Variants in CDH2 observed in about 807,000 individuals in gnomAD.
The protein encoded by CDH2 is cadherin 2, also known as cadherin-2.
In CDH2, 17 loss-of-function variants were observed where a neutral mutation model predicts 92.0. The ratio of observed to expected loss-of-function variants is 0.18; its 90% CI spans 0.13 to 0.28. CDH2 has a LOEUF of 0.28. Among genes scored for constraint, CDH2 ranks in the 10% least tolerant of loss-of-function variants. The probability of loss-of-function intolerance (pLI) is 1.00; values close to 1 mark genes in which losing one functional copy is unlikely to be tolerated. For synonymous variants in CDH2, 419 were observed against 415.9 expected (o/e 1.01, Z -0.09); for missense variants, 862 against 1,133.1 (o/e 0.76, Z 3.44).
chr18:28,118,100 C>T (rs1052121863), intron 2 of CDH2, among the ~76,000 whole-genome samples: 2 of 141,506 alleles, frequency 1.4e-5, no homozygotes, highest in Non-Finnish European at 3.2e-5. Flanking sequence ...CTGCTGAGTT[C>T]TGTTTTTTTT....
chr18:28,081,408 A>C (rs1261212145), intron 2 of CDH2, among the ~76,000 whole-genome samples: 1 of 152,202 alleles, frequency 6.6e-6, no homozygotes, highest in Non-Finnish European at 1.5e-5. Flanking sequence ...ATTTTTAAAA[A>C]AACAGACTGA....
intron 14 of CDH2, among the ~76,000 whole-genome samples, chr18:27,966,885 A>G (rs894273318): frequency 6.6e-6 from 1 of 152,228 alleles, no homozygotes; most frequent in Non-Finnish European, 1.5e-5. Flanking sequence ...CCACTAAAAA[A>G]AAAGTGTTGA....
At chr18:27,991,830 G>C (rs1349272171) in intron 9 of CDH2, among the ~76,000 whole-genome samples, 1 of 152,150 alleles carries the variant, frequency 6.6e-6, no homozygotes, top group African/African-American at 2.4e-5. Flanking sequence ...TTCTATGTAA[G>C]GTCAATATTT....
intron 6 of CDH2, among the ~76,000 whole-genome samples, chr18:28,005,465 C>T (rs984574420): frequency 2.0e-5 from 3 of 152,150 alleles, no homozygotes; most frequent in Non-Finnish European, 2.9e-5. Context: ...TAAATTGCTG[C>T]TACGTCTCAT....
At chr18:27,984,486 CA>C (rs2012160574) in intron 13 of CDH2, among the ~76,000 whole-genome samples, 1 of 152,198 alleles carries the variant, frequency 6.6e-6, no homozygotes, top group Non-Finnish European at 1.5e-5. Flanking sequence ...TTTCTATTAT[CA>C]AATGTCCTGT....
intron 2 of CDH2, among the ~76,000 whole-genome samples, chr18:28,053,985 G>C (rs2014243874): frequency 6.6e-6 from 1 of 152,140 alleles, no homozygotes; most frequent in Non-Finnish European, 1.5e-5. Flanking sequence ...TCCAGGGTTA[G>C]TTTGTGCCAT....
chr18:28,084,232 G>C (rs544586915), intron 2 of CDH2, among the ~76,000 whole-genome samples: 1 of 152,236 alleles, frequency 6.6e-6, no homozygotes, highest in Admixed American at 6.5e-5. Context: ...GAACTCGCAA[G>C]CAATACTGAG....
chr18:28,000,263 A>T (rs1168217906), intron 7 of CDH2, among the ~76,000 whole-genome samples: 1 of 152,024 alleles, frequency 6.6e-6, no homozygotes, highest in African/African-American at 2.4e-5. Context: ...CCACCATGCC[A>T]GCTAATTTTT....
In CDH2 at chr18:27,952,065, C is replaced by CAAAGTTA; in HGVS notation, c.*81_*87dup. 1 of 1,212,780 alleles carries CAAAGTTA rather than the reference C, an allele frequency of 8.2e-7. No homozygotes were observed. The highest frequency in any genetic ancestry group is 1.2e-6 in the Non-Finnish European group (1 of 821,946). 75.1% of individuals were successfully genotyped at this position (1,212,780 alleles called of 1,614,324 possible). ...CAGCAAGCACTGTGCTAGTAGACTA[C>CAAAGTTA]AAAGTTAAAGCCTAGCTTCTGAATG... On this transcript the variant is annotated 3_prime_UTR_variant, in exon 16 of 16. Coordinates refer to ENST00000269141, the MANE Select transcript of CDH2 (RefSeq NM_001792.5).
intron 1 of CDH2, among the ~76,000 whole-genome samples, chr18:28,175,060 C>T (rs1395230309): frequency 6.6e-6 from 1 of 152,156 alleles, no homozygotes; most frequent in East Asian, 1.9e-4. Flanking sequence ...CTTCTTCCTC[C>T]TTCAGCCTAA....
At chr18:28,070,645 C>T (rs1301738435) in intron 2 of CDH2, among the ~76,000 whole-genome samples, 3 of 152,210 alleles carry the variant, frequency 2.0e-5, no homozygotes, top group African/African-American at 7.2e-5. Flanking sequence ...TCTGGAATAC[C>T]TGCTGTGAGT....
intron 2 of CDH2, among the ~76,000 whole-genome samples, chr18:28,025,191 A>G (rs2013517383): frequency 6.6e-6 from 1 of 152,044 alleles, no homozygotes; most frequent in South Asian, 2.1e-4. Flanking sequence ...CTCTCTTGCA[A>G]TGGGTCTACA....
chr18:28,119,204 C>T (rs2015545781), intron 2 of CDH2, among the ~76,000 whole-genome samples: 1 of 152,120 alleles, frequency 6.6e-6, no homozygotes, highest in African/African-American at 2.4e-5. Context: ...GGACCAGGTA[C>T]AGCCACTACT....
intron 15 of CDH2, among the ~76,000 whole-genome samples, chr18:27,961,203 C>T (rs2011394364): frequency 6.6e-6 from 1 of 151,592 alleles, no homozygotes; most frequent in Admixed American, 6.6e-5. Flanking sequence ...GCATCATGCC[C>T]TACACATTTG....
chr18:27,994,816 C>T (rs934526182), intron 7 of CDH2, among the ~76,000 whole-genome samples: 2 of 151,990 alleles, frequency 1.3e-5, no homozygotes, highest in Non-Finnish European at 2.9e-5. Flanking sequence ...GAAGGAAAGC[C>T]AAACCGCCCA....
At chr18:28,017,011 T>C (rs562944815) in intron 2 of CDH2, among the ~76,000 whole-genome samples, 1 of 152,284 alleles carries the variant, frequency 6.6e-6, no homozygotes, top group East Asian at 1.9e-4. Flanking sequence ...TATGCTATTG[T>C]ATTCTGTTAT....
At chr18:28,174,186 T>C (rs1180821479) in intron 1 of CDH2, among the ~76,000 whole-genome samples, 1 of 152,114 alleles carries the variant, frequency 6.6e-6, no homozygotes, top group Non-Finnish European at 1.5e-5. Context: ...GCTCCGTATC[T>C]GCACTAATAA....
intron 2 of CDH2, among the ~76,000 whole-genome samples, chr18:28,111,849 A>G (rs1021546893): frequency 6.6e-6 from 1 of 152,208 alleles, no homozygotes; most frequent in African/African-American, 2.4e-5. Flanking sequence ...TCTGAACTGA[A>G]TAAGAATAAA....
intron 6 of CDH2, among the ~76,000 whole-genome samples, chr18:27,939,581 C>CGTTGCA (rs1382020171): frequency 6.6e-6 from 1 of 152,164 alleles, no homozygotes; most frequent in Non-Finnish European, 1.5e-5. Flanking sequence ...TCTTCCTGTG[C>CGTTGCA]GTTGCAGATG....
Sources: allele counts gnomAD v4.1 joint callset (sites outside exome capture counted in the v4.1 genomes callset), GRCh38; gene constraint gnomAD v4.1.1; transcripts MANE v1.5; gene names NCBI Gene and HGNC (gene_info 2026-07-23, HGNC 2026-07-21).